The following NRXN1 variants were observed in gnomAD, a reference collection of about 807,000 sequenced individuals.
The protein encoded by NRXN1 is neurexin 1, also known as neurexin-1.
In NRXN1, 39 loss-of-function variants were observed where a neutral mutation model predicts 150.9. The observed-to-expected ratio is 0.26, with a 90% CI of 0.20 to 0.34. The LOEUF (loss-of-function observed/expected upper bound fraction) is 0.34, where lower values mean the gene tolerates loss of function less well. NRXN1 is among the 10% of genes least tolerant of loss of function. The pLI is 1.00. For synonymous variants in NRXN1, 924 were observed against 757.0 expected (o/e 1.22, Z -3.62); for missense variants, 1,815 against 1,949.9 (o/e 0.93, Z 1.30).
At chr2:50,447,778 T>TATATAC (rs1367167277) in intron 17 of NRXN1, among the ~76,000 whole-genome samples, 3 of 118,716 alleles carry the variant, frequency 2.5e-5, no homozygotes, top group African/African-American at 7.1e-5. Context: ...TATATATATA[T>TATATAC]ACCTAATTCC....
intron 5 of NRXN1, among the ~76,000 whole-genome samples, chr2:50,847,785 C>T (rs1409902972): frequency 1.3e-5 from 2 of 152,118 alleles, no homozygotes; most frequent in African/African-American, 2.4e-5. Flanking sequence ...CGACAGACGT[C>T]GGCACAGCAG....
At chr2:50,829,429 A>G in intron 5 of NRXN1, 1 of 1,478,302 alleles carries the variant, frequency 6.8e-7, no homozygotes, top group South Asian at 1.2e-5. Flanking sequence ...TGCCCGGCTA[A>G]CTCAGGATTT....
chr2:50,169,267 C>T (rs1488845546), intron 18 of NRXN1, among the ~76,000 whole-genome samples: 1 of 152,128 alleles, frequency 6.6e-6, no homozygotes, highest in Non-Finnish European at 1.5e-5. Flanking sequence ...AAAGTGTCCA[C>T]TCTTAATTAT....
intron 5 of NRXN1, among the ~76,000 whole-genome samples, chr2:50,827,719 G>C (rs1173018257): frequency 6.6e-6 from 1 of 151,936 alleles, no homozygotes; most frequent in African/African-American, 2.4e-5. Context: ...AGTGAACAAA[G>C]GTCTCTGGTT....
chr2:50,077,839 T>C (rs1203217434), intron 19 of NRXN1, among the ~76,000 whole-genome samples: 1 of 152,096 alleles, frequency 6.6e-6, no homozygotes, highest in Non-Finnish European at 1.5e-5. Context: ...ATATAGATAA[T>C]ATGCCCAAGA....
chr2:50,285,746 A>G (rs1404098797), intron 17 of NRXN1, among the ~76,000 whole-genome samples: 1 of 152,186 alleles, frequency 6.6e-6, no homozygotes, highest in Non-Finnish European at 1.5e-5. Flanking sequence ...TATGCCTACA[A>G]TCTTTCAGAA....
At chr2:50,281,148 C>CAA (rs70946898) in intron 17 of NRXN1, among the ~76,000 whole-genome samples, 3,566 of 107,072 alleles carry the variant, frequency 0.033, 89 homozygotes, top group Middle Eastern at 0.11. Context: ...ACTAAAAATA[C>CAA]AAAAAAAAAA....
At chr2:50,967,353 T>C (rs1694270712) in intron 2 of NRXN1, among the ~76,000 whole-genome samples, 1 of 152,038 alleles carries the variant, frequency 6.6e-6, no homozygotes. Flanking sequence ...CTCTAACATT[T>C]TTCTTTATAA....
At chr2:50,611,560 C>G (rs978167445) in intron 8 of NRXN1, among the ~76,000 whole-genome samples, 1 of 152,138 alleles carries the variant, frequency 6.6e-6, no homozygotes, top group Non-Finnish European at 1.5e-5. Flanking sequence ...CTGGTTTCTG[C>G]CCCAATTGTT....
intron 17 of NRXN1, among the ~76,000 whole-genome samples, chr2:50,316,368 C>G (rs1375129119): frequency 1.3e-5 from 2 of 152,148 alleles, no homozygotes; most frequent in East Asian, 3.9e-4. Flanking sequence ...TGCAGTGGAT[C>G]TTGAAATGAT....
intron 17 of NRXN1, among the ~76,000 whole-genome samples, chr2:50,419,840 A>T (rs548905509): frequency 6.6e-6 from 1 of 152,052 alleles, no homozygotes; most frequent in African/African-American, 2.4e-5. Flanking sequence ...ACTTAAATAG[A>T]CACACTTCTT....
intron 8 of NRXN1, among the ~76,000 whole-genome samples, chr2:50,556,310 G>C (rs924254592): frequency 1.3e-5 from 2 of 152,000 alleles, no homozygotes; most frequent in African/African-American, 4.8e-5. Context: ...GCTTCTTTCT[G>C]AAACAATGTG....
At chr2:50,568,035 G>T (rs1204110856) in intron 8 of NRXN1, among the ~76,000 whole-genome samples, 1 of 152,054 alleles carries the variant, frequency 6.6e-6, no homozygotes, top group Non-Finnish European at 1.5e-5. Context: ...CACATAGTAA[G>T]TACCAGAATG....
intron 5 of NRXN1, among the ~76,000 whole-genome samples, chr2:50,859,834 A>G (rs1675852275): frequency 2.3e-5 from 2 of 87,942 alleles, no homozygotes; most frequent in African/African-American, 7.8e-5. Context: ...ACACACAATT[A>G]TGTTTGTGTG....
intron 21 of NRXN1, among the ~76,000 whole-genome samples, chr2:50,048,731 C>A (rs1158694732): frequency 1.3e-5 from 2 of 152,134 alleles, no homozygotes; most frequent in Non-Finnish European, 2.9e-5. Flanking sequence ...ATGAATGTCT[C>A]TTACAATCTA....
At chr2:50,733,276 T>G (rs1698319994) in intron 5 of NRXN1, among the ~76,000 whole-genome samples, 3 of 152,176 alleles carry the variant, frequency 2.0e-5, no homozygotes, top group African/African-American at 7.2e-5. Flanking sequence ...TTGTATTTAT[T>G]CACTGATGAA....
chr2:50,172,022 C>T (rs1219471893), intron 18 of NRXN1, among the ~76,000 whole-genome samples: 3 of 152,070 alleles, frequency 2.0e-5, no homozygotes, highest in Admixed American at 6.5e-5. Context: ...GTCTATGCAA[C>T]TACAGAAGAG....
Position 50,495,880 on chromosome 2 carries a change from T to C in NRXN1, c.3070+25A>G, listed in dbSNP as rs770780517. On this transcript the variant is annotated intron_variant, in intron 15 of 22. Coordinates refer to ENST00000401669, the MANE Select transcript of NRXN1 (RefSeq NM_001330078.2). ...GGGAGACCGTGTGGTGCAAGGCTCG[T>C]TGCTCTGACTTAACATGCACTTACT... is the stretch of plus-strand genomic sequence containing the variant. The C allele has an allele frequency of 1.9e-6, 3 of 1,552,668 alleles. No homozygotes were observed. In the African/African-American group the frequency reaches 4.1e-5, roughly 21 times the overall value.
intron 18 of NRXN1, among the ~76,000 whole-genome samples, chr2:50,116,609 C>T (rs1464946928): frequency 2.6e-5 from 4 of 152,020 alleles, no homozygotes; most frequent in Admixed American, 2.6e-4. Context: ...AAGATCTGAA[C>T]ATATACAGAT....
Sources: gnomAD v4.1 joint callset for allele counts (sites outside exome capture counted in the v4.1 genomes callset) on GRCh38, gnomAD v4.1.1 for gene constraint, MANE v1.5 for transcripts, NCBI Gene and HGNC (gene_info 2026-07-23, HGNC 2026-07-21) for gene names.